Variants in ATAD5 observed in about 807,000 individuals in gnomAD.
ATAD5 encodes ATPase family AAA domain-containing protein 5.
ATAD5 carries 58 observed loss-of-function variants against 176.9 expected under a neutral mutation model. That is an observed-to-expected ratio of 0.33 (90% CI 0.27 to 0.41). The LOEUF is 0.41. ATAD5 is among the 10% of genes least tolerant of loss of function. ATAD5 has a pLI of 1.00. For missense variants in ATAD5, 1,789 were observed against 2,094.1 expected, an observed-to-expected ratio of 0.85 and a Z score of 2.84; for synonymous variants, 640 against 712.6, an observed-to-expected ratio of 0.90 and a Z score of 1.62.
intron 10 of ATAD5, 86 bp downstream of exon 10, chr17:30,860,698 G>A (rs1907578782): frequency 8.9e-7 from 1 of 1,128,048 alleles, no homozygotes; most frequent in Non-Finnish European, 1.2e-6. Context: ...ATTTTGATAT[G>A]CTTTTTAAAA....
At position 30,840,703 on chromosome 17, in the gene ATAD5, T is replaced by C. The variant is rs1906050360; in HGVS notation, c.2163T>C (p.Thr721=). Residue 721 remains threonine, a synonymous_variant, in exon 4 of 23, where the codon ACT becomes ACC. Transcript: ENST00000321990. ...KALHISRSKV[T]EEIAIPLRRS... is the part of the protein sequence containing the mutation. ...TACACATCAGTAGGTCAAAGGTGAC[T>C]GAAGAAATAGCGATACCCTTAAGGC... 4 of 1,609,548 alleles carry C rather than the reference T, an allele frequency of 2.5e-6. No homozygotes were observed. The highest frequency in any genetic ancestry group is 1.3e-5 in the African/African-American group (1 of 74,846).
chr17:30,835,617 A>G lies in ATAD5; in HGVS notation c.1536A>G (p.Lys512=), dbSNP rs1034949573. ...AAACAACCTTTTTCTTAAAAGAGAA[A>G]CAATATCAAAATAGAATGAGTTTAA... The part of the protein sequence containing the change: ...KKETTFFLKE[K]QYQNRMSLRQ... Residue 512 remains lysine, a synonymous_variant, in exon 2 of 23, where the codon AAA becomes AAG. Transcript: ENST00000321990. The G allele has an allele frequency of 6.2e-7, 1 of 1,610,100 alleles. No individual in the cohort carries two copies. The highest frequency in any genetic ancestry group is 8.5e-7 in the Non-Finnish European group (1 of 1,178,570).
intron 14 of ATAD5, chr17:30,869,953 T>G: frequency 5.1e-6 from 1 of 197,544 alleles, no homozygotes; most frequent in Non-Finnish European, 9.9e-6. Context: ...CTACAAATAA[T>G]AAAAAAAAAA....
In ATAD5 at chr17:30,893,422, A is replaced by G; in HGVS notation, c.4569A>G (p.Pro1523=). The change falls in exon 21 of 23, where the codon CCA becomes CCG. Residue 1523 remains proline, a synonymous_variant. Transcript: ENST00000321990. The part of the protein sequence containing the change: ...FILPLPVDTI[P]ETKNFCGPSV... ...TACCATTACCAGTTGATACCATTCC[A>G]GAAACTAAAAACTTTTGTGGCCCAT... 3.7e-6 allele frequency: 6 copies of G among 1,613,758 alleles called. No individual in the cohort carries two copies. Among genetic ancestry groups the G allele is most frequent in the Non-Finnish European group, 5.1e-6 (6 of 1,179,752 alleles).
chr17:30,835,410 TA>T lies in ATAD5; in HGVS notation c.1336del (p.Ile446SerfsTer26). ...ATGAAGTAGGAAGAGATGATAATTC[TA>T]AAAAAATCATGGAAAATTCTGGTAT... Reference protein sequence around the residue: ...LYEVGRDDNSKKIMENSGIQM... With the variant: ...LYEVGRDDNSXKIMENSGIQM... On this transcript the variant is annotated frameshift_variant, in exon 2 of 23. Transcript: ENST00000321990. LOFTEE classifies it high-confidence loss of function. 1 of 1,611,464 alleles carries T rather than the reference TA, an allele frequency of 6.2e-7. No individual in the cohort carries two copies. Among genetic ancestry groups the T allele is most frequent in the South Asian group, 1.1e-5 (1 of 89,922 alleles).
In ATAD5 at chr17:30,857,044, T is replaced by C; in HGVS notation, c.2725T>C (p.Cys909Arg). Residue 909 changes from cysteine to arginine, a missense_variant, in exon 8 of 23, where the codon TGT (cysteine) becomes CGT (arginine). By Grantham distance (180) the Cys-to-Arg change is radical. Transcript: ENST00000321990. ...CACTAAAGTAATAGATCTCTCAAAA[T>C]GTGGTATTGCTCTTGGTGAATTTTC... ...LNTKVIDLSK[C>R]GIALGEFSTL... 1.9e-6 allele frequency: 3 copies of C among 1,610,992 alleles called. No homozygotes were observed. The highest frequency in any genetic ancestry group is 2.5e-6 in the Non-Finnish European group (3 of 1,179,316).
At position 30,850,825 on chromosome 17, in the gene ATAD5, ATATATTTT is replaced by A. The variant is rs1343746367; in HGVS notation, c.2451-4312_2451-4305del. Among the ~76,000 whole-genome samples the A allele has an allele frequency of 4.6e-3, 135 of 29,092 alleles. 3 individuals are homozygous for A. Among genetic ancestry groups the A allele is most frequent in the African/African-American group, 0.036 (128 of 3,602 alleles). 19.1% of individuals were successfully genotyped at this position (29,092 alleles called of 152,430 possible). A position where few individuals can be genotyped will look rare whatever the true frequency, so the allele number is the denominator to read the frequency against. On this transcript the variant is annotated intron_variant, in intron 6 of 22. Transcript: ENST00000321990. ...TTTAAAGAAATTATTATTTATATTT[ATATATTTT>A]TATATATATATATATATATATATAT...
At chr17:30,867,159 G>T (rs189324578) in intron 11 of ATAD5, among the ~76,000 whole-genome samples, 3 of 150,796 alleles carry the variant, frequency 2.0e-5, no homozygotes, top group Non-Finnish European at 2.9e-5. Flanking sequence ...CAGTGCTTTC[G>T]TAAGCTGAGG....
intron 14 of ATAD5, among the ~76,000 whole-genome samples, chr17:30,870,816 T>A (rs1457019919): frequency 6.6e-6 from 1 of 152,174 alleles, no homozygotes; most frequent in East Asian, 1.9e-4. Context: ...TATTATTTCT[T>A]TGTTGCTTTG....
rs780068756 is a variant in ATAD5 at position 30,894,611 on chromosome 17, G to C, written c.5345G>C (p.Arg1782Pro). 4 of 1,612,998 alleles carry C rather than the reference G, an allele frequency of 2.5e-6. No homozygotes were observed. Among genetic ancestry groups the C allele is most frequent in the Non-Finnish European group, 3.4e-6 (4 of 1,179,594 alleles). The change falls in exon 22 of 23, where the codon CGA becomes CCA. Residue 1782 changes from arginine to proline, a missense_variant. Transcript: ENST00000321990. ...ISVIKSVFSSRSLLYVGNRQA... is the reference protein window; with the variant it reads ...ISVIKSVFSSPSLLYVGNRQA... ...GTCATTAAAAGTGTATTTTCGAGTC[G>C]ATCTCTTCTCTATGTGGGTAATAGA...
intron 6 of ATAD5, among the ~76,000 whole-genome samples, chr17:30,846,467 A>G (rs1260198776): frequency 1.4e-5 from 2 of 144,326 alleles, no homozygotes; most frequent in Non-Finnish European, 1.5e-5. Flanking sequence ...CAGTGGCGTG[A>G]TCTCGGCTCA....
chr17:30,866,640 C>T (rs1908003018), intron 11 of ATAD5, among the ~76,000 whole-genome samples: 1 of 151,962 alleles, frequency 6.6e-6, no homozygotes, highest in African/African-American at 2.4e-5. Flanking sequence ...CATGGTGAAA[C>T]CCCATCTCTA....
chr17:30,859,327 T>C (rs1383468444), intron 9 of ATAD5, among the ~76,000 whole-genome samples: 2 of 152,158 alleles, frequency 1.3e-5, no homozygotes, highest in Non-Finnish European at 2.9e-5. Flanking sequence ...GCTTTCAGTA[T>C]GTTATATTTG....
intron 6 of ATAD5, among the ~76,000 whole-genome samples, chr17:30,847,387 G>A (rs1193682679): frequency 3.3e-5 from 5 of 152,092 alleles, no homozygotes; most frequent in African/African-American, 4.8e-5. Flanking sequence ...CTGGAGTGCA[G>A]TGGCGCGATG....
Position 30,836,055 on chromosome 17 carries a change from T to C in ATAD5, c.1967+7T>C. The C allele has an allele frequency of 6.4e-7, 1 of 1,569,262 alleles. No homozygotes were observed. Among genetic ancestry groups the C allele is most frequent in the Non-Finnish European group, 8.6e-7 (1 of 1,160,734 alleles). Reference sequence around the variant, plus strand: ...ATTCAGAGAGCCCTATTAGGTAAGGTTTGTTTTTGTTCTAACGTTCTAGTA... The same window carrying C: ...ATTCAGAGAGCCCTATTAGGTAAGGCTTGTTTTTGTTCTAACGTTCTAGTA... On this transcript the variant is annotated splice_region_variant and intron_variant, in intron 2 of 22. Transcript: ENST00000321990.
chr17:30,868,329 G>A lies in ATAD5; in HGVS notation c.3234-4G>A. The stretch of plus-strand genomic sequence containing the variant: ...ATTATTTTTATTATGTTTTCTTGTG[G>A]CAGTTGGTTGAAAGACTGGAAAAGA... On this transcript the variant is annotated splice_polypyrimidine_tract_variant and splice_region_variant and intron_variant, in intron 11 of 22. Coordinates refer to ENST00000321990, the MANE Select transcript of ATAD5 (RefSeq NM_024857.5). The A allele has an allele frequency of 1.3e-6, 2 of 1,565,046 alleles. No homozygotes were observed. The highest frequency in any genetic ancestry group is 2.3e-5 in the East Asian group (1 of 43,060).
At position 30,869,574 on chromosome 17, in the gene ATAD5, C is replaced by G. The variant is rs1244033902; in HGVS notation, c.3535C>G (p.Gln1179Glu). 1 of 1,609,822 alleles carries G rather than the reference C, an allele frequency of 6.2e-7. No individual in the cohort carries two copies. The highest frequency in any genetic ancestry group is 1.1e-5 in the South Asian group (1 of 89,804). ...GTTGAAGGAAGCTACTCAGTCCCAT[C>G]AAGTAGACAAACAAGGTGTAAACTC... Reference protein sequence around the residue: ...SQLKEATQSHQVDKQGVNSQK... With the variant: ...SQLKEATQSHEVDKQGVNSQK... Residue 1179 changes from glutamine to glutamate, a missense_variant, in exon 14 of 23, where the codon CAA becomes GAA. Transcript: ENST00000321990.
Position 30,840,751 on chromosome 17 carries a change from T to G in ATAD5, c.2211T>G (p.Leu737=), listed in dbSNP as rs1161601472. ...GGCGCTCCTCTAGACATCAGACACT[T>G]CCTGAAAGGAAGAAATTGTCAGAAA... ...PLRRSSRHQT[L]PERKKLSETE... is the part of the protein sequence containing the mutation. The change falls in exon 4 of 23, where the codon CTT becomes CTG. Residue 737 remains leucine (L), a synonymous_variant. Transcript: ENST00000321990. The G allele has an allele frequency of 6.2e-7, 1 of 1,603,804 alleles. No homozygotes were observed. The highest frequency in any genetic ancestry group is 1.8e-5 in the Admixed American group (1 of 56,884).
At chr17:30,888,704 G>A (rs2142448123) in intron 19 of ATAD5, among the ~76,000 whole-genome samples, 1 of 152,116 alleles carries the variant, frequency 6.6e-6, no homozygotes, top group East Asian at 1.9e-4. Flanking sequence ...GGAGAGATCT[G>A]AACTAATCTA....
Sources: gnomAD v4.1 joint callset for allele counts (sites outside exome capture counted in the v4.1 genomes callset) on GRCh38, gnomAD v4.1.1 for gene constraint, MANE v1.5 for transcripts, NCBI Gene and HGNC (gene_info 2026-07-23, HGNC 2026-07-21) for gene names.